Variants in PTPRN2 observed in about 807,000 individuals in gnomAD.
The protein encoded by PTPRN2 is protein tyrosine phosphatase receptor type N2.
A neutral mutation model predicts 118.8 loss-of-function variants in PTPRN2; 74 were observed. The observed-to-expected ratio is 0.62, with a 90% CI of 0.52 to 0.76. PTPRN2 has a LOEUF of 0.76. Ranked by LOEUF, PTPRN2 falls within the 30% of genes least tolerant of loss-of-function variation. The pLI is 0.00. For synonymous variants in PTPRN2, 641 were observed against 608.0 expected, an observed-to-expected ratio of 1.05 and a Z score of -0.80; for missense variants, 1,481 against 1,394.4, an observed-to-expected ratio of 1.06 and a Z score of -0.99.
At chr7:158,257,057 CCA>C (rs1434041175) in intron 3 of PTPRN2, among the ~76,000 whole-genome samples, 1 of 152,132 alleles carries the variant, frequency 6.6e-6, no homozygotes, top group African/African-American at 2.4e-5. Flanking sequence ...GACTGAGAGC[CCA>C]GTCAGATCCC....
chr7:157,725,269 C>T (rs1315599302), intron 12 of PTPRN2, among the ~76,000 whole-genome samples: 15 of 139,216 alleles, frequency 1.1e-4, no homozygotes, highest in African/African-American at 3.9e-4. Flanking sequence ...TGAGCCAGAC[C>T]CTGGCCTCCC....
At chr7:158,437,501 A>G (rs1285038965) in intron 2 of PTPRN2, among the ~76,000 whole-genome samples, 1 of 152,202 alleles carries the variant, frequency 6.6e-6, no homozygotes, top group Admixed American at 6.5e-5. Context: ...GGGTGAGTCT[A>G]TCTTCTTACC....
intron 12 of PTPRN2, among the ~76,000 whole-genome samples, chr7:157,776,063 CCTCTTCCTCCCTCTT>C (rs1318933495): frequency 1.1e-4 from 17 of 151,046 alleles, no homozygotes; most frequent in Non-Finnish European, 2.1e-4. Flanking sequence ...CTCTCCTCCT[CCTCTTCCTCCCTCTT>C]CTCTTCCTCC....
In PTPRN2 at chr7:158,003,512, A is replaced by G. The variant is rs924540156; in HGVS notation, c.1723+77786T>C. ...GAAGAGACACACAGCCTGCATCTAC[A>G]CAGAAGGACAGCCCCTGAGGACGTG... On this transcript the variant is annotated intron_variant, in intron 11 of 22. Coordinates refer to ENST00000389418, the MANE Select transcript of PTPRN2 (RefSeq NM_002847.5). The surrounding 1 kb of genome is among the most constrained non-coding windows in gnomAD (Gnocchi z 5.0). Among the ~76,000 whole-genome samples, 5 of 151,760 alleles carry G rather than the reference A, an allele frequency of 3.3e-5. No homozygotes were observed. The highest frequency in any genetic ancestry group is 7.4e-5 in the Non-Finnish European group (5 of 67,950).
chr7:158,272,076 A>C (rs764738391), intron 3 of PTPRN2, among the ~76,000 whole-genome samples: 8 of 152,194 alleles, frequency 5.3e-5, no homozygotes, highest in Non-Finnish European at 1.2e-4. Context: ...CATTTAAGCC[A>C]ATTTTAAAAC....
chr7:158,166,804 C>T (rs1009383097), intron 6 of PTPRN2, 127 bp downstream of exon 6: 3 of 1,225,134 alleles, frequency 2.4e-6, no homozygotes, highest in African/African-American at 3.1e-5. Context: ...CCCATTCCTG[C>T]CACGCGTCCT....
At chr7:158,205,105 T>G in intron 4 of PTPRN2, 66 bp downstream of exon 4, 1 of 1,285,208 alleles carries the variant, frequency 7.8e-7, no homozygotes, top group Non-Finnish European at 1.1e-6. Context: ...AACAAACAAA[T>G]AATAAGTGTA....
chr7:157,578,577 A>C (rs1800180264), intron 17 of PTPRN2, among the ~76,000 whole-genome samples: 1 of 152,206 alleles, frequency 6.6e-6, no homozygotes, highest in Non-Finnish European at 1.5e-5. Context: ...CAGCCTCCGA[A>C]AGGCTTCTTT....
chr7:157,550,338 A>C lies in PTPRN2; in HGVS notation c.2903-1319T>G, dbSNP rs1798531965. On this transcript the variant is annotated intron_variant, in intron 21 of 22. Coordinates refer to ENST00000389418, the MANE Select transcript of PTPRN2 (RefSeq NM_002847.5). The surrounding 1 kb of genome is among the most constrained non-coding windows in gnomAD (Gnocchi z 5.2). ...TGCCTGCGAAGCACCTCCAAGTCAGAACTGCGGGCAGCTAGGAGGGAACGG... is the reference window on the plus strand; with the variant it reads ...TGCCTGCGAAGCACCTCCAAGTCAGCACTGCGGGCAGCTAGGAGGGAACGG... Among the ~76,000 whole-genome samples, 1 of 152,134 alleles carries C rather than the reference A, an allele frequency of 6.6e-6. No individual in the cohort carries two copies. The highest frequency in any genetic ancestry group is 6.5e-5 in the Admixed American group (1 of 15,276).
At chr7:158,282,216 G>A (rs541911756) in intron 3 of PTPRN2, among the ~76,000 whole-genome samples, 124 of 146,038 alleles carry the variant, frequency 8.5e-4, no homozygotes, top group African/African-American at 2.8e-3. Context: ...CAGACAAATC[G>A]TCACTCAGCA....
At chr7:158,147,647 C>G (rs1477207335) in intron 6 of PTPRN2, among the ~76,000 whole-genome samples, 11 of 118,616 alleles carry the variant, frequency 9.3e-5, no homozygotes, top group Admixed American at 2.5e-4. Flanking sequence ...AATGACACCC[C>G]ATCTCATGCC....
intron 3 of PTPRN2, among the ~76,000 whole-genome samples, chr7:158,312,680 T>C (rs1218421862): frequency 1.4e-5 from 2 of 141,542 alleles, no homozygotes; most frequent in African/African-American, 2.7e-5. Flanking sequence ...CCTGCACACA[T>C]GCATGCACAC....
chr7:158,385,715 G>A (rs1369562603), intron 2 of PTPRN2, among the ~76,000 whole-genome samples: 1 of 152,196 alleles, frequency 6.6e-6, no homozygotes, highest in African/African-American at 2.4e-5. Context: ...TGAGCTACGT[G>A]ATACCAGAAA....
intron 2 of PTPRN2, among the ~76,000 whole-genome samples, chr7:158,437,473 T>C (rs1199981867): frequency 1.3e-5 from 2 of 152,220 alleles, no homozygotes; most frequent in East Asian, 1.9e-4. Flanking sequence ...ACATTACATA[T>C]GAAACTGCAG....
intron 1 of PTPRN2, among the ~76,000 whole-genome samples, chr7:158,564,485 AG>A (rs1827559715): frequency 6.6e-6 from 1 of 152,258 alleles, no homozygotes; most frequent in African/African-American, 2.4e-5. Flanking sequence ...CAGCAAGGCC[AG>A]CTGTGCGGCT....
Position 157,927,412 on chromosome 7 carries a change from G to A in PTPRN2, c.1724-28675C>T, listed in dbSNP as rs111951812. On this transcript the variant is annotated intron_variant, in intron 11 of 22. Transcript: ENST00000389418. Reference sequence around the variant, plus strand: ...CAGGAAGCCCCAGGGACCCGTCTGAGAGCAGAGGCCTCACATCTTCTGGGA... The same window carrying A: ...CAGGAAGCCCCAGGGACCCGTCTGAAAGCAGAGGCCTCACATCTTCTGGGA... 5.6e-3 allele frequency among the ~76,000 whole-genome samples: 477 copies of A among 84,798 alleles called. 6 individuals are homozygous for A. Among genetic ancestry groups the A allele is most frequent in the African/African-American group, 8.4e-3 (108 of 12,914 alleles). 55.6% of individuals were successfully genotyped at this position (84,798 alleles called of 152,430 possible).
chr7:158,325,285 G>T (rs1055317077), intron 2 of PTPRN2, among the ~76,000 whole-genome samples: 1 of 152,138 alleles, frequency 6.6e-6, no homozygotes, highest in African/African-American at 2.4e-5. Context: ...GCTTACAGGC[G>T]CCTGTGGCAC....
At chr7:158,333,335 A>G in intron 2 of PTPRN2, among the ~76,000 whole-genome samples, 1 of 142,284 alleles carries the variant, frequency 7.0e-6, no homozygotes, top group South Asian at 2.2e-4. Context: ...CACTGTCACC[A>G]TAAGAGGTGA....
chr7:157,588,064 C>T (rs1800777035), intron 17 of PTPRN2, among the ~76,000 whole-genome samples: 1 of 152,168 alleles, frequency 6.6e-6, no homozygotes, highest in Admixed American at 6.5e-5. Context: ...TGCCTGGGCT[C>T]CAGGGCCCTG....
Sources: gnomAD v4.1 joint callset for allele counts (sites outside exome capture counted in the v4.1 genomes callset) on GRCh38, gnomAD v4.1.1 for gene constraint, Gnocchi (gnomAD v3.1) non-coding constraint, MANE v1.5 for transcripts, NCBI Gene and HGNC (gene_info 2026-07-23, HGNC 2026-07-21) for gene names.